Variants in DCAF8L2 observed in about 807,000 individuals in gnomAD.
DCAF8L2 encodes DDB1 and CUL4 associated factor 8 like 2.
For missense variants in DCAF8L2, 430 were observed against 490.7 expected (o/e 0.88, Z 1.17); for synonymous variants, 200 against 190.9 (o/e 1.05, Z -0.39).
At chrX:27,610,415 G>A (rs761164475) in intron 1 of DCAF8L2, among the ~76,000 whole-genome samples, 6 of 110,470 alleles carry the variant, frequency 5.4e-5, no homozygotes, top group South Asian at 3.8e-4. Flanking sequence ...GTGTGTGTGC[G>A]TGATGTTTTT....
chrX:27,472,212 T>G, the DCAF8L2 span, among the ~76,000 whole-genome samples: 2 of 111,333 alleles, frequency 1.8e-5, 1 homozygote, highest in Non-Finnish European at 3.8e-5. Flanking sequence ...ATCATCAAGT[T>G]AGACTCTTAA....
intron 3 of DCAF8L2, among the ~76,000 whole-genome samples, chrX:27,688,939 A>G (rs1327548436): frequency 2.7e-5 from 3 of 111,592 alleles, no homozygotes; most frequent in Non-Finnish European, 5.6e-5. Context: ...CCCACTTTCT[A>G]GATAAGAAAC....
chrX:27,634,095 T>C (rs1474123879), intron 2 of DCAF8L2, among the ~76,000 whole-genome samples: 1 of 111,814 alleles, frequency 8.9e-6, no homozygotes, highest in East Asian at 2.8e-4. Context: ...ATTTAGCACA[T>C]AATATGTGTT....
intron 4 of DCAF8L2, among the ~76,000 whole-genome samples, chrX:27,726,200 C>T (rs1437318861): frequency 7.2e-5 from 8 of 111,354 alleles, no homozygotes; most frequent in Non-Finnish European, 5.7e-5. Context: ...TGATTATTTT[C>T]CCCCCTCTCA....
chrX:27,671,182 T>C (rs1314231581), intron 2 of DCAF8L2, among the ~76,000 whole-genome samples: 1 of 111,876 alleles, frequency 8.9e-6, no homozygotes, highest in African/African-American at 3.3e-5. Flanking sequence ...CAGGTGGTCA[T>C]ACTAATTTGT....
the DCAF8L2 span, among the ~76,000 whole-genome samples, chrX:27,503,890 T>C: frequency 8.9e-6 from 1 of 112,050 alleles, no homozygotes; most frequent in East Asian, 2.8e-4. Context: ...ACTAGACATA[T>C]AAAAAAGAGA....
At chrX:27,635,543 G>A (rs974396839) in intron 2 of DCAF8L2, among the ~76,000 whole-genome samples, 4 of 111,206 alleles carry the variant, frequency 3.6e-5, no homozygotes, top group Non-Finnish European at 5.7e-5. Flanking sequence ...AGACACAAAA[G>A]AGTCAAGTAA....
At chrX:27,527,659 C>T in the DCAF8L2 span, among the ~76,000 whole-genome samples, 6 of 109,971 alleles carry the variant, frequency 5.5e-5, no homozygotes, top group Non-Finnish European at 9.5e-5. Flanking sequence ...CATCTTGGAA[C>T]CTCCGGATTT....
intron 1 of DCAF8L2, among the ~76,000 whole-genome samples, chrX:27,603,216 G>A (rs1056327310): frequency 1.8e-5 from 2 of 111,133 alleles, no homozygotes; most frequent in African/African-American, 3.3e-5. Context: ...TTTTATTACC[G>A]TACATGTATT....
the DCAF8L2 span, among the ~76,000 whole-genome samples, chrX:27,564,220 C>T: frequency 4.5e-5 from 5 of 110,335 alleles, no homozygotes; most frequent in Non-Finnish European, 9.5e-5. Flanking sequence ...GGGGGAAAGC[C>T]CCTTATGAAA....
chrX:27,482,654 A>T, the DCAF8L2 span, among the ~76,000 whole-genome samples: 8 of 111,953 alleles, frequency 7.1e-5, no homozygotes, highest in Admixed American at 6.7e-4. Context: ...TTTACAAAAA[A>T]TACTACAAGT....
chrX:27,524,019 G>A, the DCAF8L2 span, among the ~76,000 whole-genome samples: 1 of 111,853 alleles, frequency 8.9e-6, no homozygotes, highest in Non-Finnish European at 1.9e-5. Flanking sequence ...GCCAGGCTTT[G>A]GTATCAGGAT....
intron 1 of DCAF8L2, among the ~76,000 whole-genome samples, chrX:27,591,976 A>T (rs1227548243): frequency 3.5e-5 from 4 of 112,783 alleles, no homozygotes; most frequent in African/African-American, 1.3e-4. Context: ...CCATCCTGCC[A>T]TCGCTGCTTT....
the DCAF8L2 span, among the ~76,000 whole-genome samples, chrX:27,506,025 C>T: frequency 8.9e-6 from 1 of 112,120 alleles, no homozygotes; most frequent in African/African-American, 3.2e-5. Context: ...TTAAAAGAAT[C>T]ATCAAATAAC....
chrX:27,473,751 C>G, the DCAF8L2 span, among the ~76,000 whole-genome samples: 2 of 110,877 alleles, frequency 1.8e-5, no homozygotes, highest in Non-Finnish European at 1.9e-5. Context: ...CAGAAATCCC[C>G]CATTATGCTA....
At chrX:27,604,522 G>A in intron 1 of DCAF8L2, among the ~76,000 whole-genome samples, 1 of 111,233 alleles carries the variant, frequency 9.0e-6, no homozygotes. Flanking sequence ...ACTTTCTCTA[G>A]TGACTAGTAT....
chrX:27,473,964 CA>C, the DCAF8L2 span, among the ~76,000 whole-genome samples: 3 of 106,672 alleles, frequency 2.8e-5, no homozygotes, highest in African/African-American at 1.0e-4. Context: ...CAAAGGAAAG[CA>C]AAAAAAAATG....
At chrX:27,592,703 C>A (rs1211359386) in intron 1 of DCAF8L2, among the ~76,000 whole-genome samples, 1 of 110,883 alleles carries the variant, frequency 9.0e-6, no homozygotes, top group Non-Finnish European at 1.9e-5. Flanking sequence ...TCCCAAAGTG[C>A]TGGGATTACA....
At chrX:27,534,619 C>T in the DCAF8L2 span, among the ~76,000 whole-genome samples, 1 of 111,415 alleles carries the variant, frequency 9.0e-6, no homozygotes, top group Non-Finnish European at 1.9e-5. Flanking sequence ...CAGTTCTTCT[C>T]GTGAGAAACC....
Sources: gnomAD v4.1 joint callset for allele counts (sites outside exome capture counted in the v4.1 genomes callset) on GRCh38, gnomAD v4.1.1 for gene constraint, MANE v1.5 for transcripts, NCBI Gene and HGNC (gene_info 2026-07-23, HGNC 2026-07-21) for gene names.